ALOX5: variants seen among roughly 807,000 people sequenced by gnomAD.
The protein encoded by ALOX5 is polyunsaturated fatty acid 5-lipoxygenase.
Under a neutral mutation model 87.9 loss-of-function variants are expected in ALOX5, and 64 were observed. That is an observed-to-expected ratio of 0.73 (90% CI 0.60 to 0.90). The LOEUF (loss-of-function observed/expected upper bound fraction) is 0.90, where lower values mean the gene tolerates loss of function less well. Ranked by LOEUF, ALOX5 falls within the 40% of genes least tolerant of loss-of-function variation. ALOX5 has a pLI of 0.00. For synonymous variants in ALOX5, 388 were observed against 355.1 expected, an observed-to-expected ratio of 1.09 and a Z score of -1.04; for missense variants, 822 against 907.5, an observed-to-expected ratio of 0.91 and a Z score of 1.21.
chr10:45,443,355 G>A, intron 10 of ALOX5, 61 bp from the exon 11 acceptor site: 3 of 1,591,572 alleles, frequency 1.9e-6, no homozygotes, highest in Non-Finnish European at 1.7e-6. Flanking sequence ...GGGGGTTGCC[G>A]CCGGGCACCG....
chr10:45,379,831 C>T (rs756810428), intron 1 of ALOX5, among the ~76,000 whole-genome samples: 6 of 152,210 alleles, frequency 3.9e-5, no homozygotes, highest in Admixed American at 6.5e-5. Flanking sequence ...CATCCAGCTA[C>T]TTGCCTGAAG....
intron 3 of ALOX5, among the ~76,000 whole-genome samples, chr10:45,403,780 T>A (rs562656530): frequency 6.6e-6 from 1 of 152,330 alleles, no homozygotes; most frequent in East Asian, 1.9e-4. Context: ...CACCATATGA[T>A]GTGTTTCCAG....
Position 45,412,233 on chromosome 10 carries a change from C to G in ALOX5, c.474C>G (p.Ala158=). 6.2e-7 allele frequency: 1 copy of G among 1,614,082 alleles called. No homozygotes were observed. The highest frequency in any genetic ancestry group is 8.5e-7 in the Non-Finnish European group (1 of 1,179,992). ...CTGGCTTCCCCTTGAGCATCGATGC[C>G]AAATGCCACAAGGATTTACCCCGTG... ...WNPGFPLSID[A]KCHKDLPRDI... The change falls in exon 4 of 14, where the codon GCC becomes GCG. Residue 158 remains alanine (A), a synonymous_variant. Transcript: ENST00000374391.
intron 10 of ALOX5, 86 bp downstream of exon 10, chr10:45,443,302 A>T: frequency 1.9e-6 from 3 of 1,576,276 alleles, no homozygotes; most frequent in Non-Finnish European, 2.6e-6. Flanking sequence ...CTCCACCGCT[A>T]GCGCTGAATG....
chr10:45,393,997 G>C (rs545477833), intron 2 of ALOX5, among the ~76,000 whole-genome samples: 8 of 152,284 alleles, frequency 5.3e-5, no homozygotes, highest in African/African-American at 1.7e-4. Context: ...TCATGGATAG[G>C]AAGAATGAAT....
Position 45,443,050 on chromosome 10 carries a change from G to A in ALOX5, c.1285G>A (p.Gly429Arg). The change falls in exon 10 of 14, where the codon GGG (glycine) becomes AGG (arginine). Residue 429 changes from glycine (G) to arginine (R), a missense_variant. By Grantham distance (125) the Gly-to-Arg change is moderately radical. Coordinates refer to ENST00000374391, the MANE Select transcript of ALOX5 (RefSeq NM_000698.5). ...CGLFDKANATGGGGHVQMVQR... is the reference protein window; with the variant it reads ...CGLFDKANATRGGGHVQMVQR... ...CCTCCCACTCCAGGCCAACGCCACAGGGGGCGGTGGGCACGTGCAGATGGT... is the reference window on the plus strand; with the variant it reads ...CCTCCCACTCCAGGCCAACGCCACAAGGGGCGGTGGGCACGTGCAGATGGT... 1 of 1,612,682 alleles carries A rather than the reference G, an allele frequency of 6.2e-7. No homozygotes were observed. The highest frequency in any genetic ancestry group is 8.5e-7 in the Non-Finnish European group (1 of 1,179,486).
At chr10:45,417,289 G>A (rs1463989111) in intron 4 of ALOX5, among the ~76,000 whole-genome samples, 1 of 152,114 alleles carries the variant, frequency 6.6e-6, no homozygotes, top group Non-Finnish European at 1.5e-5. Context: ...TGTGTTTAGT[G>A]TTACAGACTC....
intron 2 of ALOX5, among the ~76,000 whole-genome samples, chr10:45,394,644 A>T (rs1045209641): frequency 7.2e-5 from 11 of 152,234 alleles, no homozygotes; most frequent in African/African-American, 2.7e-4. Flanking sequence ...ACAGCAAAAG[A>T]AACTACCATC....
intron 6 of ALOX5, 127 bp from the exon 7 acceptor site, chr10:45,428,491 A>G (rs1841806020): frequency 5.8e-6 from 7 of 1,198,784 alleles, no homozygotes; most frequent in African/African-American, 1.5e-5. Context: ...AGAGAAGTAC[A>G]CATTCTGAGC....
At chr10:45,395,574 G>A (rs1044595752) in intron 2 of ALOX5, among the ~76,000 whole-genome samples, 2 of 151,146 alleles carry the variant, frequency 1.3e-5, no homozygotes, top group African/African-American at 2.4e-5. Flanking sequence ...CCTGCACGTT[G>A]TGCACATGTA....
chr10:45,418,911 G>A (rs1270627220), intron 4 of ALOX5, among the ~76,000 whole-genome samples: 6 of 152,230 alleles, frequency 3.9e-5, no homozygotes, highest in African/African-American at 1.4e-4. Context: ...CAGTGGGGCG[G>A]GACAGTGCAG....
At chr10:45,442,704 C>A in intron 9 of ALOX5, 1 of 321,236 alleles carries the variant, frequency 3.1e-6, no homozygotes. Context: ...GAGCAGACTT[C>A]ACAGCCCAGG....
At chr10:45,386,091 G>A (rs1487083172) in intron 2 of ALOX5, among the ~76,000 whole-genome samples, 1 of 152,084 alleles carries the variant, frequency 6.6e-6, no homozygotes, top group Non-Finnish European at 1.5e-5. Context: ...CACAAGGTCA[G>A]GAGATCGAGA....
At chr10:45,383,690 G>A (rs1447068627) in intron 2 of ALOX5, among the ~76,000 whole-genome samples, 2 of 152,088 alleles carry the variant, frequency 1.3e-5, no homozygotes, top group Non-Finnish European at 2.9e-5. Context: ...AAGTTATTCT[G>A]TACCTGCTGT....
chr10:45,409,619 C>G (rs1219331516), intron 3 of ALOX5, among the ~76,000 whole-genome samples: 1 of 151,890 alleles, frequency 6.6e-6, no homozygotes, highest in Non-Finnish European at 1.5e-5. Context: ...TTCTCTCTCT[C>G]TCTTTCTCTC....
chr10:45,443,117 T>G lies in ALOX5; in HGVS notation c.1352T>G (p.Phe451Cys). ...GACCTGACCTATGCCTCCCTGTGCT[T>G]TCCCGAGGCCATCAAGGCCCGGGGC... ...MKDLTYASLC[F>C]PEAIKARGME... Residue 451 changes from phenylalanine (F) to cysteine (C), a missense_variant, in exon 10 of 14, where the codon TTT (phenylalanine) becomes TGT (cysteine). By Grantham distance (205) the Phe-to-Cys change is radical. Transcript: ENST00000374391. 2 of 1,613,782 alleles carry G rather than the reference T, an allele frequency of 1.2e-6. No individual in the cohort carries two copies. Among genetic ancestry groups the G allele is most frequent in the Non-Finnish European group, 1.7e-6 (2 of 1,180,004 alleles).
At chr10:45,419,252 G>C (rs963101612) in intron 4 of ALOX5, among the ~76,000 whole-genome samples, 5 of 152,252 alleles carry the variant, frequency 3.3e-5, no homozygotes, top group African/African-American at 1.2e-4. Context: ...AGCGCAGGCG[G>C]GCGGAGAGCA....
In ALOX5 at chr10:45,443,227, G is replaced by T. The variant is rs1842298796; in HGVS notation, c.1451+11G>T. On this transcript the variant is annotated intron_variant, in intron 10 of 13. Transcript: ENST00000374391. Reference sequence around the variant, plus strand: ...GGAAGCCATCAGGACGTGAGCGCCCGCGGGGCGGTGGTCCTGGGGGAGGAG... The same window carrying T: ...GGAAGCCATCAGGACGTGAGCGCCCTCGGGGCGGTGGTCCTGGGGGAGGAG... The T allele has an allele frequency of 1.2e-6, 2 of 1,609,934 alleles. No individual in the cohort carries two copies. Among genetic ancestry groups the T allele is most frequent in the African/African-American group, 1.3e-5 (1 of 74,876 alleles).
At chr10:45,402,316 T>TGTC (rs1840730514) in intron 3 of ALOX5, among the ~76,000 whole-genome samples, 1 of 152,040 alleles carries the variant, frequency 6.6e-6, no homozygotes. Context: ...ACCTCAAAAC[T>TGTC]GTCTTAGCTT....
Sources: gnomAD v4.1 joint callset for allele counts (sites outside exome capture counted in the v4.1 genomes callset) on GRCh38, gnomAD v4.1.1 for gene constraint, MANE v1.5 for transcripts, NCBI Gene and HGNC (gene_info 2026-07-23, HGNC 2026-07-21) for gene names.